CLVS1: variants seen among roughly 807,000 people sequenced by gnomAD.
The protein encoded by CLVS1 is clavesin-1.
A neutral mutation model predicts 33.1 loss-of-function variants in CLVS1; 10 were observed. The ratio of observed to expected loss-of-function variants is 0.30; its 90% CI spans 0.19 to 0.51. CLVS1 has a LOEUF of 0.51. Ranked by LOEUF, CLVS1 falls within the 20% of genes least tolerant of loss-of-function variation. CLVS1 has a pLI of 0.97. For synonymous variants in CLVS1, 163 were observed against 166.1 expected (o/e 0.98, Z 0.14); for missense variants, 343 against 433.4 (o/e 0.79, Z 1.85).
At chr8:61,368,952 C>T (rs1182783112) in intron 2 of CLVS1, among the ~76,000 whole-genome samples, 1 of 152,070 alleles carries the variant, frequency 6.6e-6, no homozygotes, top group Non-Finnish European at 1.5e-5. Flanking sequence ...TGAAAATTTG[C>T]TTGCAGGATT....
intron 5 of CLVS1, among the ~76,000 whole-genome samples, chr8:61,476,248 T>A (rs973625597): frequency 7.9e-5 from 12 of 152,194 alleles, no homozygotes; most frequent in Admixed American, 1.3e-4. Context: ...CCAACTTTGT[T>A]CTTTTGGCTT....
intron 2 of CLVS1, among the ~76,000 whole-genome samples, chr8:61,259,984 C>T (rs1215344769): frequency 6.6e-6 from 1 of 152,190 alleles, no homozygotes; most frequent in Non-Finnish European, 1.5e-5. Context: ...CTCCAGAGCC[C>T]GCTGATTGCT....
chr8:61,311,231 A>T (rs1257937809), intron 2 of CLVS1, among the ~76,000 whole-genome samples: 1 of 152,216 alleles, frequency 6.6e-6, no homozygotes, highest in East Asian at 1.9e-4. Context: ...ATGTGCCTTG[A>T]TTCCGGCTTC....
At chr8:61,117,618 TATTGAGA>T (rs1805754824) in intron 1 of CLVS1, among the ~76,000 whole-genome samples, 1 of 151,090 alleles carries the variant, frequency 6.6e-6, no homozygotes, top group South Asian at 2.1e-4. Context: ...TTTCTGCATC[TATTGAGA>T]TAATCATGTG....
At chr8:61,225,031 A>C (rs1324904278) in intron 2 of CLVS1, among the ~76,000 whole-genome samples, 60 of 152,176 alleles carry the variant, frequency 3.9e-4, no homozygotes, top group Non-Finnish European at 1.5e-5. Context: ...AAAAATATAA[A>C]TGTGGCCAGG....
chr8:61,414,367 A>C (rs1297880154), intron 3 of CLVS1, among the ~76,000 whole-genome samples: 1 of 152,116 alleles, frequency 6.6e-6, no homozygotes. Flanking sequence ...AAGAAGACAG[A>C]AAAGGGCACT....
chr8:61,012,335 T>G, the CLVS1 span, among the ~76,000 whole-genome samples: 1 of 152,376 alleles, frequency 6.6e-6, no homozygotes, highest in African/African-American at 2.4e-5. Context: ...AAAGAACATT[T>G]GCTATATACT....
chr8:61,449,434 C>G (rs2129606815), intron 3 of CLVS1, among the ~76,000 whole-genome samples: 1 of 152,306 alleles, frequency 6.6e-6, no homozygotes, highest in Non-Finnish European at 1.5e-5. Context: ...TGGCTCTCTA[C>G]TTGGCCTTCT....
intron 2 of CLVS1, among the ~76,000 whole-genome samples, chr8:61,225,696 A>G (rs376927441): frequency 2.6e-4 from 40 of 152,270 alleles, no homozygotes; most frequent in African/African-American, 9.6e-4. Context: ...GCACAATTCA[A>G]ATGGTGGAAA....
intron 1 of CLVS1, among the ~76,000 whole-genome samples, chr8:61,119,632 A>G (rs1287384679): frequency 6.7e-6 from 1 of 148,950 alleles, no homozygotes; most frequent in Non-Finnish European, 1.5e-5. Context: ...TCGCTTATGA[A>G]GCTTAGTTTG....
chr8:61,462,466 C>A (rs775805047), intron 5 of CLVS1, among the ~76,000 whole-genome samples: 1 of 152,088 alleles, frequency 6.6e-6, no homozygotes, highest in Non-Finnish European at 1.5e-5. Flanking sequence ...CTCACTGCAA[C>A]CTCTGCCTCC....
At chr8:61,275,771 G>A (rs1277498378) in intron 2 of CLVS1, among the ~76,000 whole-genome samples, 1 of 152,090 alleles carries the variant, frequency 6.6e-6, no homozygotes, top group Admixed American at 6.5e-5. Context: ...TCTCTCAAAG[G>A]TCTTACCTTT....
the CLVS1 span, among the ~76,000 whole-genome samples, chr8:60,989,421 C>T: frequency 2.6e-5 from 4 of 152,184 alleles, no homozygotes; most frequent in Non-Finnish European, 4.4e-5. Context: ...AGGCGATCCA[C>T]CCACCTCGGC....
At chr8:61,118,751 T>A (rs1329100115) in intron 1 of CLVS1, among the ~76,000 whole-genome samples, 4 of 152,130 alleles carry the variant, frequency 2.6e-5, no homozygotes, top group African/African-American at 7.2e-5. Context: ...TTGTTATAAT[T>A]TCTGTTCTTT....
Position 61,300,178 on chromosome 8 carries a change from C to A in CLVS1, c.351C>A (p.Gly117=). 2 of 1,613,988 alleles carry A rather than the reference C, an allele frequency of 1.2e-6. No individual in the cohort carries two copies. Among genetic ancestry groups the A allele is most frequent in the Non-Finnish European group, 1.7e-6 (2 of 1,179,954 alleles). The change falls in exon 2 of 6, where the codon GGC becomes GGA. Residue 117 remains glycine, a synonymous_variant. Transcript: ENST00000325897. ...MFKNFKADDP[G]IKRALIDGFP... ...AAAACTTCAAGGCAGATGATCCCGG[C>A]ATTAAGAGGGCTCTGATCGATGGGT...
At chr8:61,381,121 G>A (rs149220775) in intron 3 of CLVS1, among the ~76,000 whole-genome samples, 17 of 150,802 alleles carry the variant, frequency 1.1e-4, no homozygotes, top group East Asian at 7.8e-4. Flanking sequence ...CACTTGGTGC[G>A]TTCCTTAACT....
At chr8:61,479,833 T>G (rs1166045026) in intron 5 of CLVS1, among the ~76,000 whole-genome samples, 1 of 151,738 alleles carries the variant, frequency 6.6e-6, no homozygotes, top group Admixed American at 6.6e-5. Flanking sequence ...TCTGTTGGAG[T>G]TTGCTGGAAG....
the CLVS1 span, among the ~76,000 whole-genome samples, chr8:61,031,768 C>T: frequency 6.6e-6 from 1 of 152,038 alleles, no homozygotes; most frequent in Non-Finnish European, 1.5e-5. Flanking sequence ...CTTTTACCAA[C>T]GATGTCCTCT....
At chr8:61,231,851 C>G (rs1377132166) in intron 2 of CLVS1, among the ~76,000 whole-genome samples, 4 of 152,030 alleles carry the variant, frequency 2.6e-5, no homozygotes, top group African/African-American at 7.3e-5. Flanking sequence ...GTTGGGATCA[C>G]TTTCAGTCGA....
Sources: allele counts gnomAD v4.1 joint callset (sites outside exome capture counted in the v4.1 genomes callset), GRCh38; gene constraint gnomAD v4.1.1; transcripts MANE v1.5; gene names NCBI Gene and HGNC (gene_info 2026-07-23, HGNC 2026-07-21).